The following PIK3C3 variants were observed in gnomAD, a reference collection of about 807,000 sequenced individuals.
PIK3C3 encodes phosphatidylinositol 3-kinase catalytic subunit type 3.
Under a neutral mutation model 126.1 loss-of-function variants are expected in PIK3C3, and 95 were observed. The observed-to-expected ratio is 0.75, with a 90% CI of 0.64 to 0.89. PIK3C3 has a LOEUF of 0.89. Among genes scored for constraint, PIK3C3 ranks in the 40% least tolerant of loss-of-function variants. PIK3C3 has a pLI of 0.00. For missense variants in PIK3C3, 829 were observed against 1,063.2 expected (o/e 0.78, Z 3.06); for synonymous variants, 374 against 360.0 (o/e 1.04, Z -0.44).
At position 42,085,956 on chromosome 18, in the gene PIK3C3, T is replaced by TGTGTGCGC. The variant is rs1555644769; in HGVS notation, c.*4822_*4823insTGCGCGTG. 2.3e-5 allele frequency: 1 copy of TGTGTGCGC among 43,146 alleles called. No individual in the cohort carries two copies. The highest frequency in any genetic ancestry group is 2.5e-4 in the African/African-American group (1 of 3,978). The allele number at this position is 43,146 out of a possible 1,614,324, so 2.7% of individuals were successfully genotyped here. ...ATATTTGTGTGTGTGTGTGTGTGTATGTGCGTGCACAAAAATTAGCTGAGT... is the reference window on the plus strand; with the variant it reads ...ATATTTGTGTGTGTGTGTGTGTGTATGTGTGCGCGTGCGTGCACAAAAATTAGCTGAGT... On this transcript the variant is annotated 3_prime_UTR_variant, in exon 25 of 25. Transcript: ENST00000262039.
chr18:41,997,603 A>AG (rs984479884), intron 9 of PIK3C3, among the ~76,000 whole-genome samples: 6 of 152,126 alleles, frequency 3.9e-5, no homozygotes, highest in Non-Finnish European at 8.8e-5. Context: ...CAGAGAGCCA[A>AG]GGGGTACCTC....
intron 10 of PIK3C3, among the ~76,000 whole-genome samples, chr18:42,008,487 G>A (rs2144392341): frequency 6.6e-6 from 1 of 152,252 alleles, no homozygotes; most frequent in East Asian, 1.9e-4. Flanking sequence ...AACTGAAAAT[G>A]CCTCTATGGA....
Position 41,995,950 on chromosome 18 carries a change from G to A in PIK3C3, c.847G>A (p.Asp283Asn), listed in dbSNP as rs750103454. 6.2e-7 allele frequency: 1 copy of A among 1,613,032 alleles called. No homozygotes were observed. The highest frequency in any genetic ancestry group is 1.1e-5 in the South Asian group (1 of 91,022). Residue 283 changes from aspartate to asparagine, a missense_variant, in exon 8 of 25, where the codon GAC becomes AAC. Physicochemically the swap from Asp to Asn is conservative, Grantham distance 23. Coordinates refer to ENST00000262039, the MANE Select transcript of PIK3C3 (RefSeq NM_002647.4). ...CCGGAGTTTAAGAAGTGGACCTTCT[G>A]ACCACGATCTGAAACCCAATGCTGC... Reference protein sequence around the residue: ...LARSLRSGPSDHDLKPNAATR... With the variant: ...LARSLRSGPSNHDLKPNAATR...
At position 41,957,721 on chromosome 18, in the gene PIK3C3, G is replaced by T. The variant is rs1979859012; in HGVS notation, c.220G>T (p.Val74Leu). ...FAEGKPLALPVRTSYKAFSTR... is the reference protein window; with the variant it reads ...FAEGKPLALPLRTSYKAFSTR... ...AGAAGGGAAGCCTTTGGCCTTGCCA[G>T]TGAGAACATCCTACAAAGCATTTAG... The change falls in exon 2 of 25, where the codon GTG (valine) becomes TTG (leucine). Residue 74 changes from valine to leucine, a missense_variant. Val to Leu is a conservative substitution (Grantham distance 32). Transcript: ENST00000262039. The T allele has an allele frequency of 1.9e-6, 3 of 1,613,320 alleles. No homozygotes were observed. The highest frequency in any genetic ancestry group is 2.7e-5 in the African/African-American group (2 of 74,888).
chr18:41,965,892 T>C (rs2144302135), intron 3 of PIK3C3, among the ~76,000 whole-genome samples: 1 of 152,280 alleles, frequency 6.6e-6, no homozygotes, highest in Non-Finnish European at 1.5e-5. Context: ...AAGGGAGCAG[T>C]AGCAATAAGT....
chr18:42,061,257 A>C lies in PIK3C3; in HGVS notation c.2432+3206A>C, dbSNP rs559215094. Among the ~76,000 whole-genome samples the C allele has an allele frequency of 6.6e-5, 10 of 151,906 alleles. No homozygotes were observed. The South Asian group carries it at 1.2e-3, about 19-fold the overall frequency. ...GCTTTCCCACCCTATTATTGTTATTATTATTTTTTATCTTACCCTTAGGTT... is the reference window on the plus strand; with the variant it reads ...GCTTTCCCACCCTATTATTGTTATTCTTATTTTTTATCTTACCCTTAGGTT... On this transcript the variant is annotated intron_variant, in intron 22 of 24. Transcript: ENST00000262039.
intron 3 of PIK3C3, among the ~76,000 whole-genome samples, chr18:41,965,813 C>G (rs1015580104): frequency 6.6e-6 from 1 of 152,114 alleles, no homozygotes; most frequent in East Asian, 1.9e-4. Context: ...AAGCTGGCAG[C>G]GTGCCTAAAG....
At position 42,049,633 on chromosome 18, in the gene PIK3C3, T is replaced by C. The variant is rs375966181; in HGVS notation, c.2263+28T>C. 2.7e-6 allele frequency: 4 copies of C among 1,482,812 alleles called. No individual in the cohort carries two copies. In the African/African-American group the frequency reaches 4.1e-5, roughly 15 times the overall value. The allele number at this position is 1,482,812 out of a possible 1,614,324, so 91.9% of individuals were successfully genotyped here. On this transcript the variant is annotated intron_variant, in intron 21 of 24. Coordinates refer to ENST00000262039, the MANE Select transcript of PIK3C3 (RefSeq NM_002647.4). ...AACAATTAATGACTACCAGTAGACA[T>C]ACATTGTATATGCCCATGGTTTTTA...
intron 4 of PIK3C3, among the ~76,000 whole-genome samples, chr18:41,972,283 C>T (rs2144315825): frequency 6.6e-6 from 1 of 152,128 alleles, no homozygotes; most frequent in East Asian, 1.9e-4. Flanking sequence ...ATGTGCAGAG[C>T]TCAATGAGGT....
intron 3 of PIK3C3, among the ~76,000 whole-genome samples, chr18:41,969,471 G>A (rs938574464): frequency 3.9e-5 from 6 of 152,044 alleles, no homozygotes; most frequent in Non-Finnish European, 5.9e-5. Flanking sequence ...TATGTTCTTG[G>A]TAGCTTTTTG....
intron 24 of PIK3C3, among the ~76,000 whole-genome samples, chr18:42,072,465 A>G (rs535617057): frequency 2.0e-5 from 3 of 152,170 alleles, no homozygotes; most frequent in Non-Finnish European, 4.4e-5. Context: ...TAGTGATACA[A>G]ATTTTCCACT....
intron 6 of PIK3C3, among the ~76,000 whole-genome samples, chr18:41,993,040 C>G (rs559098828): frequency 6.6e-6 from 1 of 152,152 alleles, no homozygotes; most frequent in South Asian, 2.1e-4. Flanking sequence ...ACCTCTAAAA[C>G]TTTAGTAAGA....
At chr18:41,979,041 G>A (rs1361307746) in intron 4 of PIK3C3, among the ~76,000 whole-genome samples, 1 of 124,836 alleles carries the variant, frequency 8.0e-6, no homozygotes, top group Non-Finnish European at 1.6e-5. Flanking sequence ...ACCAGGCTGA[G>A]TAACATAAGA....
At chr18:41,979,064 TAAAAAAAAAAAAAA>T (rs5824388) in intron 4 of PIK3C3, among the ~76,000 whole-genome samples, 1 of 93,768 alleles carries the variant, frequency 1.1e-5, no homozygotes, top group Non-Finnish European at 2.0e-5. Flanking sequence ...CCCCGTCTCT[TAAAAAAAAAAAAAA>T]AAAAAAAAAG....
chr18:41,973,368 A>G (rs527574081), intron 4 of PIK3C3, among the ~76,000 whole-genome samples: 6 of 152,010 alleles, frequency 3.9e-5, no homozygotes, highest in Admixed American at 3.3e-4. Flanking sequence ...CACCTAAAAC[A>G]TGGTCTTGCC....
At chr18:42,067,358 G>A (rs371778512) in intron 23 of PIK3C3, 30 bp from the exon 24 acceptor site, 80 of 1,607,744 alleles carry the variant, frequency 5.0e-5, no homozygotes, top group Middle Eastern at 5.0e-4. Context: ...ATTTTTCTTC[G>A]TTGTAAAGAC....
At chr18:41,978,458 G>A (rs1316508850) in intron 4 of PIK3C3, among the ~76,000 whole-genome samples, 1 of 152,126 alleles carries the variant, frequency 6.6e-6, no homozygotes, top group African/African-American at 2.4e-5. Context: ...AACCTATAAG[G>A]GAAGATAACC....
At chr18:42,056,270 A>G (rs1343147673) in intron 21 of PIK3C3, among the ~76,000 whole-genome samples, 1 of 152,150 alleles carries the variant, frequency 6.6e-6, no homozygotes, top group African/African-American at 2.4e-5. Context: ...ATTGTTAGAT[A>G]CTGAATCTTT....
At chr18:42,061,915 T>C (rs1985331667) in intron 22 of PIK3C3, among the ~76,000 whole-genome samples, 1 of 152,158 alleles carries the variant, frequency 6.6e-6, no homozygotes, top group African/African-American at 2.4e-5. Flanking sequence ...GCAGATTTTT[T>C]TTTTTTTAAC....
Sources: gnomAD v4.1 joint callset for allele counts (sites outside exome capture counted in the v4.1 genomes callset) on GRCh38, gnomAD v4.1.1 for gene constraint, MANE v1.5 for transcripts, NCBI Gene and HGNC (gene_info 2026-07-23, HGNC 2026-07-21) for gene names.